The following GALNTL6 variants were observed in gnomAD, a reference collection of about 807,000 sequenced individuals.
GALNTL6 encodes the protein polypeptide N-acetylgalactosaminyltransferase like 6, also known as polypeptide N-acetylgalactosaminyltransferase-like 6.
In GALNTL6, 46 loss-of-function variants were observed where a neutral mutation model predicts 73.7. The ratio of observed to expected loss-of-function variants is 0.62; its 90% CI spans 0.49 to 0.80. The LOEUF (loss-of-function observed/expected upper bound fraction) is 0.80, where lower values mean the gene tolerates loss of function less well. GALNTL6 is among the 30% of genes least tolerant of loss of function. The pLI, the probability that GALNTL6 is intolerant of heterozygous loss-of-function variation, is 0.00. For missense variants in GALNTL6, 604 were observed against 755.0 expected, an observed-to-expected ratio of 0.80 and a Z score of 2.34; for synonymous variants, 259 against 263.7, an observed-to-expected ratio of 0.98 and a Z score of 0.17.
chr4:172,120,111 G>A (rs998847667), intron 2 of GALNTL6, among the ~76,000 whole-genome samples: 6 of 152,140 alleles, frequency 3.9e-5, no homozygotes, highest in Non-Finnish European at 8.8e-5. Flanking sequence ...TCCCAGTTCT[G>A]TACACCAGAA....
chr4:172,609,786 C>T (rs1738455619), intron 5 of GALNTL6, among the ~76,000 whole-genome samples: 3 of 151,848 alleles, frequency 2.0e-5, no homozygotes, highest in South Asian at 4.2e-4. Context: ...CTTCTTTGTA[C>T]ACCTGGTAGA....
At chr4:171,992,246 T>C (rs1488474855) in intron 2 of GALNTL6, among the ~76,000 whole-genome samples, 1 of 152,042 alleles carries the variant, frequency 6.6e-6, no homozygotes, top group Non-Finnish European at 1.5e-5. Context: ...TGATCTATAC[T>C]GCTGGGTTTT....
intron 5 of GALNTL6, among the ~76,000 whole-genome samples, chr4:172,461,871 A>C (rs984871903): frequency 6.6e-6 from 1 of 152,154 alleles, no homozygotes; most frequent in African/African-American, 2.4e-5. Context: ...ATTATTTATC[A>C]ATGTGTCTGT....
At chr4:172,473,241 C>G (rs562001427) in intron 5 of GALNTL6, among the ~76,000 whole-genome samples, 1 of 152,262 alleles carries the variant, frequency 6.6e-6, no homozygotes, top group Non-Finnish European at 1.5e-5. Flanking sequence ...CCTTCTACAT[C>G]ATTTGCCTAC....
intron 5 of GALNTL6, among the ~76,000 whole-genome samples, chr4:172,422,928 T>C (rs1224100502): frequency 6.6e-6 from 1 of 151,068 alleles, no homozygotes; most frequent in Admixed American, 6.6e-5. Context: ...AAGAGGTGAT[T>C]AGTTATAAAA....
chr4:172,080,372 G>A (rs1257496712), intron 2 of GALNTL6, among the ~76,000 whole-genome samples: 2 of 151,798 alleles, frequency 1.3e-5, no homozygotes, highest in South Asian at 2.1e-4. Flanking sequence ...TTGTTGAGAC[G>A]AGGTGTCTGT....
chr4:172,108,803 G>C (rs1732763183), intron 2 of GALNTL6, among the ~76,000 whole-genome samples: 1 of 152,004 alleles, frequency 6.6e-6, no homozygotes, highest in Admixed American at 6.6e-5. Context: ...CCTGAGGTCA[G>C]GAGTTTGAGA....
chr4:172,863,273 C>T (rs1162810003), intron 7 of GALNTL6, among the ~76,000 whole-genome samples: 9 of 152,158 alleles, frequency 5.9e-5, no homozygotes, highest in African/African-American at 1.7e-4. Flanking sequence ...AGAGGGCCAC[C>T]GTCCTCCAGG....
At chr4:172,758,111 G>A (rs1412935022) in intron 5 of GALNTL6, among the ~76,000 whole-genome samples, 1 of 152,136 alleles carries the variant, frequency 6.6e-6, no homozygotes. Flanking sequence ...CCATCTTTAT[G>A]TGCACACAAC....
Position 172,809,295 on chromosome 4 carries a change from C to A in GALNTL6, c.554-66C>A. 1.5e-6 allele frequency: 2 copies of A among 1,302,994 alleles called. No homozygotes were observed. Among genetic ancestry groups the A allele is most frequent in the South Asian group, 1.3e-5 (1 of 77,816 alleles). The allele number at this position is 1,302,994 out of a possible 1,614,324, so 80.7% of individuals were successfully genotyped here. On this transcript the variant is annotated intron_variant, in intron 5 of 12. Coordinates refer to ENST00000506823, the MANE Select transcript of GALNTL6 (RefSeq NM_001034845.3). This position sits in a 1 kb window ranked among gnomAD's most constrained non-coding sequence, Gnocchi z 4.4. Reference sequence around the variant, plus strand: ...TCACATACTCTCTATGCACAAACAACCGTGAATAATTCAGCTGCAACTAAT... The same window carrying A: ...TCACATACTCTCTATGCACAAACAAACGTGAATAATTCAGCTGCAACTAAT...
chr4:172,893,354 G>C (rs866202954), intron 8 of GALNTL6, among the ~76,000 whole-genome samples: 1 of 151,638 alleles, frequency 6.6e-6, no homozygotes, highest in African/African-American at 2.4e-5. Flanking sequence ...GCGGGGGGGG[G>C]GTCTTCCCCT....
chr4:171,866,684 G>T (rs1392536944), intron 2 of GALNTL6, among the ~76,000 whole-genome samples: 1 of 152,204 alleles, frequency 6.6e-6, no homozygotes, highest in Non-Finnish European at 1.5e-5. Context: ...CTGGATCAGG[G>T]TGCCAGCGGG....
intron 5 of GALNTL6, among the ~76,000 whole-genome samples, chr4:172,416,019 G>T (rs991151216): frequency 8.5e-5 from 13 of 152,088 alleles, no homozygotes; most frequent in Admixed American, 1.3e-4. Flanking sequence ...CAGAAATTGG[G>T]CATAAGACAA....
intron 2 of GALNTL6, among the ~76,000 whole-genome samples, chr4:171,863,751 A>C (rs1237235415): frequency 6.6e-6 from 1 of 151,416 alleles, no homozygotes; most frequent in East Asian, 1.9e-4. Context: ...ACCTGAGGAG[A>C]AAAGGAACAC....
rs1739130199 is a variant in GALNTL6, at chr4:172,283,347, T to A, written c.248-28267T>A. ...TTTAACTGAATTGTTCAGGAAAAAA[T>A]TAGATGTACTAATAATAGGTTTAAT... On this transcript the variant is annotated intron_variant, in intron 3 of 12. Transcript: ENST00000506823. Among the ~76,000 whole-genome samples the A allele has an allele frequency of 2.0e-5, 3 of 152,170 alleles. No homozygotes were observed. The South Asian group carries it at 6.2e-4, about 31-fold the overall frequency.
intron 2 of GALNTL6, among the ~76,000 whole-genome samples, chr4:172,176,008 A>T (rs2110834796): frequency 6.6e-6 from 1 of 152,270 alleles, no homozygotes; most frequent in African/African-American, 2.4e-5. Flanking sequence ...AACTCAAATC[A>T]ATTAATAGAG....
intron 4 of GALNTL6, among the ~76,000 whole-genome samples, chr4:172,324,299 T>C (rs559596480): frequency 6.6e-6 from 1 of 152,076 alleles, no homozygotes; most frequent in African/African-American, 2.4e-5. Flanking sequence ...TGAACAAACT[T>C]ATTAATGAAT....
chr4:171,904,823 G>C (rs945331047), intron 2 of GALNTL6, among the ~76,000 whole-genome samples: 4 of 152,188 alleles, frequency 2.6e-5, no homozygotes, highest in African/African-American at 9.7e-5. Flanking sequence ...TGCCAGAAGA[G>C]AGTGGGGGCC....
At chr4:171,963,248 G>C (rs966844466) in intron 2 of GALNTL6, among the ~76,000 whole-genome samples, 1 of 152,034 alleles carries the variant, frequency 6.6e-6, no homozygotes, top group Non-Finnish European at 1.5e-5. Flanking sequence ...TATGTCCAAC[G>C]GCACAGCAAA....
Sources: allele counts gnomAD v4.1 joint callset (sites outside exome capture counted in the v4.1 genomes callset), GRCh38; gene constraint gnomAD v4.1.1; non-coding constraint Gnocchi (gnomAD v3.1); transcripts MANE v1.5; gene names NCBI Gene and HGNC (gene_info 2026-07-23, HGNC 2026-07-21).